The following DLG2 variants were observed in gnomAD, a reference collection of about 807,000 sequenced individuals.
DLG2 encodes discs large MAGUK scaffold protein 2.
Under a neutral mutation model 132.5 loss-of-function variants are expected in DLG2, and 45 were observed. The observed-to-expected ratio is 0.34, with a 90% CI of 0.27 to 0.44. The LOEUF (loss-of-function observed/expected upper bound fraction) is 0.44, where lower values mean the gene tolerates loss of function less well. DLG2 is among the 20% of genes least tolerant of loss of function. The pLI, the probability that DLG2 is intolerant of heterozygous loss-of-function variation, is 1.00. For synonymous variants in DLG2, 424 were observed against 419.6 expected (o/e 1.01, Z -0.13); for missense variants, 1,045 against 1,196.9 (o/e 0.87, Z 1.87).
chr11:84,588,581 T>A (rs1364743248), intron 6 of DLG2, among the ~76,000 whole-genome samples: 2 of 152,104 alleles, frequency 1.3e-5, no homozygotes, highest in African/African-American at 4.8e-5. Context: ...GCAGCTCCAT[T>A]TTGAATACAG....
chr11:85,237,996 C>G (rs368618285), intron 4 of DLG2, among the ~76,000 whole-genome samples: 1 of 151,776 alleles, frequency 6.6e-6, no homozygotes, highest in East Asian at 1.9e-4. Context: ...GCCTTAAATC[C>G]TGGTGCTCAC....
intron 9 of DLG2, among the ~76,000 whole-genome samples, chr11:84,130,977 T>C (rs2094399124): frequency 6.6e-6 from 1 of 151,818 alleles, no homozygotes. Context: ...GCAATTAAGA[T>C]ATTTAAATCA....
chr11:85,232,898 G>C (rs1007658298), intron 4 of DLG2, among the ~76,000 whole-genome samples: 3 of 151,914 alleles, frequency 2.0e-5, no homozygotes, highest in African/African-American at 7.2e-5. Context: ...ATTTCCAAAT[G>C]TACTTTTATT....
At chr11:84,489,061 A>C (rs2099157993) in intron 7 of DLG2, among the ~76,000 whole-genome samples, 1 of 152,172 alleles carries the variant, frequency 6.6e-6, no homozygotes, top group Non-Finnish European at 1.5e-5. Flanking sequence ...TGTAAACCTA[A>C]TAGATAATAG....
intron 5 of DLG2, among the ~76,000 whole-genome samples, chr11:85,126,156 C>T (rs569155020): frequency 6.6e-6 from 1 of 152,184 alleles, no homozygotes; most frequent in East Asian, 1.9e-4. Flanking sequence ...CCAATGTGTC[C>T]TTTAGTTTAA....
chr11:84,631,178 A>T (rs1309490980), intron 6 of DLG2, among the ~76,000 whole-genome samples: 3 of 151,934 alleles, frequency 2.0e-5, no homozygotes, highest in Non-Finnish European at 2.9e-5. Context: ...CAAATAATTC[A>T]CTAGATTATG....
intron 6 of DLG2, among the ~76,000 whole-genome samples, chr11:84,833,238 A>C (rs1475260473): frequency 6.6e-6 from 1 of 151,564 alleles, no homozygotes; most frequent in East Asian, 1.9e-4. Flanking sequence ...CAACAACCTG[A>C]AACTACTGAG....
intron 6 of DLG2, among the ~76,000 whole-genome samples, chr11:84,717,450 G>A (rs1368196079): frequency 1.3e-5 from 2 of 151,860 alleles, no homozygotes; most frequent in Non-Finnish European, 2.9e-5. Flanking sequence ...GAGACCAAAG[G>A]GAACAAGAGC....
intron 7 of DLG2, among the ~76,000 whole-genome samples, chr11:84,318,153 A>T (rs1189031352): frequency 1.3e-5 from 2 of 152,220 alleles, no homozygotes; most frequent in Non-Finnish European, 2.9e-5. Context: ...GAATTTTCAA[A>T]TTCTTTCACT....
intron 18 of DLG2, among the ~76,000 whole-genome samples, chr11:83,770,812 A>G (rs1481405874): frequency 6.6e-6 from 1 of 152,240 alleles, no homozygotes; most frequent in Non-Finnish European, 1.5e-5. Flanking sequence ...AATTACAATA[A>G]TGTATCCTTA....
chr11:85,543,440 T>A (rs966859332), intron 3 of DLG2, among the ~76,000 whole-genome samples: 3 of 152,242 alleles, frequency 2.0e-5, no homozygotes, highest in African/African-American at 7.2e-5. Context: ...AATGCCACAA[T>A]AAACATATGT....
chr11:85,344,798 C>T (rs1049813807), intron 3 of DLG2, among the ~76,000 whole-genome samples: 1 of 151,836 alleles, frequency 6.6e-6, no homozygotes, highest in African/African-American at 2.4e-5. Context: ...TTAAACATGT[C>T]ATTAAATGTT....
At chr11:84,534,909 G>A in intron 6 of DLG2, 178 bp from the exon 7 acceptor site, 1 of 758,342 alleles carries the variant, frequency 1.3e-6, no homozygotes, top group South Asian at 1.4e-5. Flanking sequence ...TCAAATGCAA[G>A]CAGAACTGAG....
chr11:85,035,295 T>C (rs1026231644), intron 6 of DLG2, among the ~76,000 whole-genome samples: 2 of 152,174 alleles, frequency 1.3e-5, no homozygotes, highest in Admixed American at 6.5e-5. Context: ...TAGCACTATT[T>C]CTTGAAAAAT....
At chr11:85,147,361 G>T (rs2076938929) in intron 5 of DLG2, among the ~76,000 whole-genome samples, 2 of 152,118 alleles carry the variant, frequency 1.3e-5, no homozygotes, top group Non-Finnish European at 1.5e-5. Context: ...GTTTCTCATT[G>T]TAGTTTTGAT....
intron 6 of DLG2, among the ~76,000 whole-genome samples, chr11:84,825,654 C>G (rs1446964174): frequency 6.6e-6 from 1 of 151,960 alleles, no homozygotes; most frequent in East Asian, 2.0e-4. Flanking sequence ...ACTGTGTAGT[C>G]TGTTTGGATT....
At chr11:85,136,883 G>C (rs1471344691) in intron 5 of DLG2, among the ~76,000 whole-genome samples, 1 of 152,044 alleles carries the variant, frequency 6.6e-6, no homozygotes, top group East Asian at 1.9e-4. Context: ...TTAGTGGAAT[G>C]AAAGAATAAT....
At chr11:83,833,016 GGCAT>G (rs1456317036) in intron 17 of DLG2, among the ~76,000 whole-genome samples, 1 of 152,092 alleles carries the variant, frequency 6.6e-6, no homozygotes, top group Non-Finnish European at 1.5e-5. Context: ...TTTTTAAAAA[GGCAT>G]GCTTCTCAAC....
In DLG2 at chr11:84,502,388, T is replaced by C. The variant is rs184924707; in HGVS notation, c.519+32182A>G. 5.0e-5 allele frequency among the ~76,000 whole-genome samples: 5 copies of C among 99,114 alleles called. No homozygotes were observed. The East Asian group carries it at 9.3e-4, about 18-fold the overall frequency. 65.0% of individuals were successfully genotyped at this position (99,114 alleles called of 152,430 possible). On this transcript the variant is annotated intron_variant, in intron 7 of 27. Coordinates refer to ENST00000376104, the MANE Select transcript of DLG2 (RefSeq NM_001142699.3). ...TTTCTTTCTTTCTTTCTTTCTTTCT[T>C]TCTTTCTTTCTTTCTTTCTTTCTTT...
Sources: gnomAD v4.1 joint callset for allele counts (sites outside exome capture counted in the v4.1 genomes callset) on GRCh38, gnomAD v4.1.1 for gene constraint, MANE v1.5 for transcripts, NCBI Gene and HGNC (gene_info 2026-07-23, HGNC 2026-07-21) for gene names.